GRM7: variants seen among roughly 807,000 people sequenced by gnomAD.
GRM7 encodes the protein glutamate metabotropic receptor 7.
Under a neutral mutation model 84.5 loss-of-function variants are expected in GRM7, and 35 were observed. The ratio of observed to expected loss-of-function variants is 0.41; its 90% CI spans 0.32 to 0.55. The LOEUF is 0.55. Ranked by LOEUF, GRM7 falls within the 20% of genes least tolerant of loss-of-function variation. The pLI is 0.19. For synonymous variants in GRM7, 487 were observed against 455.1 expected, an observed-to-expected ratio of 1.07 and a Z score of -0.89; for missense variants, 1,003 against 1,194.6, an observed-to-expected ratio of 0.84 and a Z score of 2.36.
intron 4 of GRM7, among the ~76,000 whole-genome samples, chr3:7,387,768 A>C (rs977244816): frequency 6.6e-6 from 1 of 152,068 alleles, no homozygotes. Flanking sequence ...GTGGCTATTC[A>C]GGCTCTTTTT....
chr3:6,874,307 C>T (rs574736317), intron 1 of GRM7, among the ~76,000 whole-genome samples: 9 of 152,274 alleles, frequency 5.9e-5, no homozygotes, highest in Admixed American at 2.6e-4. Flanking sequence ...TGCACATGAT[C>T]TTTGGGACAA....
intron 1 of GRM7, among the ~76,000 whole-genome samples, chr3:7,027,313 C>G (rs1332687461): frequency 6.6e-6 from 1 of 152,084 alleles, no homozygotes; most frequent in African/African-American, 2.4e-5. Context: ...TCTTAAAAAT[C>G]TAAACATCTA....
At chr3:7,673,996 A>G (rs939292822) in intron 8 of GRM7, among the ~76,000 whole-genome samples, 4 of 152,196 alleles carry the variant, frequency 2.6e-5, no homozygotes, top group African/African-American at 9.7e-5. Flanking sequence ...GAAAGGGGCA[A>G]ATAAAGGAAT....
intron 2 of GRM7, among the ~76,000 whole-genome samples, chr3:7,211,161 A>G (rs1464096813): frequency 6.6e-6 from 1 of 152,228 alleles, no homozygotes; most frequent in East Asian, 1.9e-4. Context: ...TGACTAAAGT[A>G]CCCCACCTTT....
chr3:7,298,724 A>G lies in GRM7; in HGVS notation c.777A>G (p.Glu259=), dbSNP rs974942605. ...CCCAGTCCGTGAGAATCCCCCAGGA[A>G]CGCAAAGACAGGACCATTGACTTTG... is the stretch of plus-strand genomic sequence containing the variant. ...CIAQSVRIPQ[E]RKDRTIDFDR... is the part of the protein sequence containing the mutation. The change falls in exon 3 of 10, where the codon GAA becomes GAG. Residue 259 remains glutamate, a synonymous_variant. Transcript: ENST00000357716. 11 of 1,613,336 alleles carry G rather than the reference A, an allele frequency of 6.8e-6. No individual in the cohort carries two copies. The African/African-American group carries it at 1.2e-4, about 18-fold the overall frequency.
At chr3:6,873,950 A>G (rs1246214544) in intron 1 of GRM7, among the ~76,000 whole-genome samples, 1 of 152,352 alleles carries the variant, frequency 6.6e-6, no homozygotes, top group Middle Eastern at 3.4e-3. Flanking sequence ...CATACATCAG[A>G]AGGATAATCA....
intron 5 of GRM7, among the ~76,000 whole-genome samples, chr3:7,418,276 C>T (rs531255483): frequency 1.3e-5 from 2 of 152,240 alleles, no homozygotes; most frequent in Admixed American, 6.5e-5. Context: ...GCCTAATAAC[C>T]GTTGATATAG....
chr3:7,455,157 G>T (rs1044968674), intron 6 of GRM7, among the ~76,000 whole-genome samples: 2 of 152,230 alleles, frequency 1.3e-5, no homozygotes, highest in African/African-American at 2.4e-5. Context: ...AAATAACCAT[G>T]AGTCCATACT....
At chr3:7,210,440 A>G (rs1162826939) in intron 2 of GRM7, among the ~76,000 whole-genome samples, 1 of 152,192 alleles carries the variant, frequency 6.6e-6, no homozygotes, top group Non-Finnish European at 1.5e-5. Flanking sequence ...TATTAGTTCA[A>G]AAAAATCTGA....
chr3:6,913,982 T>TA (rs1696860290), intron 1 of GRM7, among the ~76,000 whole-genome samples: 1 of 152,174 alleles, frequency 6.6e-6, no homozygotes, highest in Non-Finnish European at 1.5e-5. Context: ...CCTCCCATTA[T>TA]AACTCCTCAT....
At position 7,486,299 on chromosome 3, in the gene GRM7, G is replaced by T. The variant is rs941652962; in HGVS notation, c.1515+24577G>T. ...GATGGTAATGATAATGGCGATGATG[G>T]TGATAAAAGGTAGGAAGACTATTTT... is the stretch of plus-strand genomic sequence containing the variant. On this transcript the variant is annotated intron_variant, in intron 7 of 9. Transcript: ENST00000357716. This position sits in a 1 kb window ranked among gnomAD's most constrained non-coding sequence, Gnocchi z 5.5. 6.6e-6 allele frequency among the ~76,000 whole-genome samples: 1 copy of T among 152,106 alleles called. No individual in the cohort carries two copies. Among genetic ancestry groups the T allele is most frequent in the Non-Finnish European group, 1.5e-5 (1 of 68,032 alleles).
At chr3:7,460,214 A>G (rs1312892968) in intron 6 of GRM7, among the ~76,000 whole-genome samples, 1 of 149,340 alleles carries the variant, frequency 6.7e-6, no homozygotes, top group Non-Finnish European at 1.5e-5. Flanking sequence ...ACGCTAAAAT[A>G]TGTGTTCAAT....
intron 7 of GRM7, among the ~76,000 whole-genome samples, chr3:7,512,927 G>A (rs947727094): frequency 7.9e-5 from 12 of 152,130 alleles, no homozygotes; most frequent in African/African-American, 2.9e-4. Flanking sequence ...TCAACATGGA[G>A]AAGGCAGGAA....
intron 2 of GRM7, among the ~76,000 whole-genome samples, chr3:7,217,311 A>T (rs1005186780): frequency 1.3e-5 from 2 of 152,280 alleles, no homozygotes; most frequent in East Asian, 3.9e-4. Context: ...CCTAATTCCC[A>T]CTCAACTGGC....
At chr3:7,206,233 G>T (rs1389670222) in intron 2 of GRM7, among the ~76,000 whole-genome samples, 1 of 152,178 alleles carries the variant, frequency 6.6e-6, no homozygotes, top group African/African-American at 2.4e-5. Context: ...AGAAGGTAAT[G>T]AAATTTAAAT....
chr3:7,294,326 G>A (rs1575130488), intron 2 of GRM7, among the ~76,000 whole-genome samples: 1 of 152,268 alleles, frequency 6.6e-6, no homozygotes, highest in East Asian at 1.9e-4. Context: ...TTGCTGAGAA[G>A]ATGGTAAAGT....
chr3:6,915,727 T>A (rs1372326532), intron 1 of GRM7, among the ~76,000 whole-genome samples: 1 of 152,220 alleles, frequency 6.6e-6, no homozygotes, highest in Non-Finnish European at 1.5e-5. Flanking sequence ...TTCATGGAAA[T>A]GAATGTGAAA....
chr3:7,612,046 T>C (rs1696873340), intron 8 of GRM7, among the ~76,000 whole-genome samples: 1 of 152,166 alleles, frequency 6.6e-6, no homozygotes, highest in East Asian at 1.9e-4. Flanking sequence ...CTCCTGTATC[T>C]CTATGGTTTT....
chr3:7,578,877 C>T lies in GRM7; in HGVS notation c.1971C>T (p.Phe657=), dbSNP rs778914542. The change falls in exon 8 of 10, where the codon TTC becomes TTT. Residue 657 remains phenylalanine, a synonymous_variant. Coordinates refer to ENST00000357716, the MANE Select transcript of GRM7 (RefSeq NM_000844.4). ...AACCAGATGTGGCAGTGTGTTCTTT[C>T]CGGCGAGTTTTCTTGGGCTTGGGTA... The part of the protein sequence containing the change: ...IAKPDVAVCS[F]RRVFLGLGMC... The T allele has an allele frequency of 6.2e-7, 1 of 1,614,144 alleles. No individual in the cohort carries two copies. The highest frequency in any genetic ancestry group is 2.2e-5 in the East Asian group (1 of 44,884).
Sources: gnomAD v4.1 joint callset for allele counts (sites outside exome capture counted in the v4.1 genomes callset) on GRCh38, gnomAD v4.1.1 for gene constraint, Gnocchi (gnomAD v3.1) non-coding constraint, MANE v1.5 for transcripts, NCBI Gene and HGNC (gene_info 2026-07-23, HGNC 2026-07-21) for gene names.